Variants in STXBP6 observed in about 807,000 individuals in gnomAD.
STXBP6 encodes syntaxin-binding protein 6.
STXBP6 carries 21 observed loss-of-function variants against 26.9 expected under a neutral mutation model. The ratio of observed to expected loss-of-function variants is 0.78; its 90% CI spans 0.55 to 1.12. STXBP6 has a LOEUF of 1.12. STXBP6 is among the 50% of genes most tolerant of loss of function. The probability of loss-of-function intolerance (pLI) is 0.00; values close to 1 mark genes in which losing one functional copy is unlikely to be tolerated. For missense variants in STXBP6, 232 were observed against 257.9 expected, an observed-to-expected ratio of 0.90 and a Z score of 0.69; for synonymous variants, 97 against 92.6, an observed-to-expected ratio of 1.05 and a Z score of -0.27.
At chr14:24,956,085 G>C (rs758590971) in intron 2 of STXBP6, among the ~76,000 whole-genome samples, 5 of 152,076 alleles carry the variant, frequency 3.3e-5, no homozygotes, top group Non-Finnish European at 7.4e-5. Context: ...AAGCACAAGA[G>C]AGTCAAATTT....
At chr14:24,945,894 C>T (rs937700452) in intron 2 of STXBP6, among the ~76,000 whole-genome samples, 4 of 152,074 alleles carry the variant, frequency 2.6e-5, no homozygotes, top group African/African-American at 7.2e-5. Flanking sequence ...CAGGGAGACA[C>T]GCTGGATTTG....
chr14:24,843,988 G>C (rs2068863412), intron 4 of STXBP6, among the ~76,000 whole-genome samples: 1 of 152,166 alleles, frequency 6.6e-6, no homozygotes, highest in Non-Finnish European at 1.5e-5. Flanking sequence ...GAGATTAGAG[G>C]GTTTTAACTT....
chr14:24,952,959 T>G (rs1343138684), intron 2 of STXBP6, among the ~76,000 whole-genome samples: 1 of 152,208 alleles, frequency 6.6e-6, no homozygotes, highest in Non-Finnish European at 1.5e-5. Flanking sequence ...GACATGTTCC[T>G]GCTCACATTT....
At chr14:24,978,267 A>C (rs1790428444) in intron 1 of STXBP6, among the ~76,000 whole-genome samples, 2 of 152,162 alleles carry the variant, frequency 1.3e-5, no homozygotes, top group Non-Finnish European at 2.9e-5. Context: ...ATTTTAAACA[A>C]CTCTAACTGG....
intron 4 of STXBP6, among the ~76,000 whole-genome samples, chr14:24,835,547 T>TA (rs2068586092): frequency 6.6e-6 from 1 of 152,208 alleles, no homozygotes; most frequent in Non-Finnish European, 1.5e-5. Context: ...ATTAGCCACT[T>TA]AAAGATTTTT....
chr14:24,970,574 G>A (rs538262648), intron 2 of STXBP6, among the ~76,000 whole-genome samples: 13 of 151,810 alleles, frequency 8.6e-5, no homozygotes, highest in Admixed American at 7.2e-4. Flanking sequence ...TCTTTTTACT[G>A]CAAGGTAGTA....
chr14:25,020,428 A>G (rs920518006), intron 1 of STXBP6, among the ~76,000 whole-genome samples: 2 of 152,212 alleles, frequency 1.3e-5, no homozygotes, highest in Non-Finnish European at 2.9e-5. Flanking sequence ...GAGGAAATAG[A>G]AAATCTGTTC....
chr14:24,822,667 G>A (rs550167703), intron 4 of STXBP6, among the ~76,000 whole-genome samples: 5 of 152,060 alleles, frequency 3.3e-5, no homozygotes, highest in African/African-American at 1.2e-4. Context: ...ATGGAAGTTT[G>A]TCCCTCCACC....
At chr14:24,916,122 AAAC>A (rs2071755945) in intron 2 of STXBP6, among the ~76,000 whole-genome samples, 1 of 152,166 alleles carries the variant, frequency 6.6e-6, no homozygotes, top group Admixed American at 6.5e-5. Flanking sequence ...AAATCATTCC[AAAC>A]AAATATGACA....
intron 2 of STXBP6, among the ~76,000 whole-genome samples, chr14:24,882,549 C>T (rs148173729): frequency 2.0e-5 from 3 of 152,146 alleles, no homozygotes; most frequent in African/African-American, 4.8e-5. Flanking sequence ...AGCTGCCTTA[C>T]GTGTTTCTAG....
At chr14:24,854,363 C>T (rs529015514) in intron 4 of STXBP6, among the ~76,000 whole-genome samples, 48 of 152,158 alleles carry the variant, frequency 3.2e-4, no homozygotes, top group African/African-American at 1.0e-3. Flanking sequence ...CTGCCCAGGA[C>T]GGAACATGAA....
rs2067773413 is a variant in STXBP6 at position 24,809,910 on chromosome 14, C to T, written c.*2799G>A. On this transcript the variant is annotated 3_prime_UTR_variant, in exon 6 of 6. Transcript: ENST00000323944. ...ATAGATGCACAACCTTTGCTAGCCA[C>T]AAAAGTAGTATTAAAACAGTTTTCA... 1 of 152,088 alleles carries T rather than the reference C, an allele frequency of 6.6e-6. No homozygotes were observed. The highest frequency in any genetic ancestry group is 1.5e-5 in the Non-Finnish European group (1 of 68,012). 9.4% of individuals were successfully genotyped at this position (152,088 alleles called of 1,614,324 possible).
chr14:24,966,445 A>C (rs146963134), intron 2 of STXBP6, among the ~76,000 whole-genome samples: 230 of 152,060 alleles, frequency 1.5e-3, no homozygotes, highest in African/African-American at 5.4e-3. Flanking sequence ...GGACCCAGGC[A>C]TGAGTCAGCA....
intron 2 of STXBP6, among the ~76,000 whole-genome samples, chr14:24,875,053 C>T (rs1179045623): frequency 1.3e-5 from 2 of 152,210 alleles, no homozygotes; most frequent in Non-Finnish European, 2.9e-5. Context: ...ACCTTGTACC[C>T]ATTAGCACTG....
intron 2 of STXBP6, among the ~76,000 whole-genome samples, chr14:24,913,602 G>C (rs887789660): frequency 2.0e-5 from 3 of 152,196 alleles, no homozygotes; most frequent in Admixed American, 1.3e-4. Flanking sequence ...TCAGATGTAT[G>C]CTGAGAAGAG....
chr14:24,877,466 A>G (rs1400843488), intron 2 of STXBP6, among the ~76,000 whole-genome samples: 1 of 152,060 alleles, frequency 6.6e-6, no homozygotes, highest in Non-Finnish European at 1.5e-5. Flanking sequence ...AAACAGTCTC[A>G]TTTCCTCCCT....
At chr14:24,978,091 G>A (rs2140223379) in intron 1 of STXBP6, among the ~76,000 whole-genome samples, 1 of 152,298 alleles carries the variant, frequency 6.6e-6, no homozygotes, top group Admixed American at 6.5e-5. Flanking sequence ...CAGATTAGAT[G>A]GAAAAGAATC....
chr14:24,882,440 C>G (rs2070408163), intron 2 of STXBP6, among the ~76,000 whole-genome samples: 1 of 134,498 alleles, frequency 7.4e-6, no homozygotes, highest in African/African-American at 2.9e-5. Flanking sequence ...ACCTAAGGGA[C>G]TTGGTCCCAA....
At chr14:24,948,392 C>T (rs1951798) in intron 2 of STXBP6, among the ~76,000 whole-genome samples, 3,599 of 152,160 alleles carry the variant, frequency 0.024, 75 homozygotes, top group East Asian at 0.11. Flanking sequence ...CACAGAGAAT[C>T]TATGGGAAGT....
Sources: gnomAD v4.1 joint callset for allele counts (sites outside exome capture counted in the v4.1 genomes callset) on GRCh38, gnomAD v4.1.1 for gene constraint, MANE v1.5 for transcripts, NCBI Gene and HGNC (gene_info 2026-07-23, HGNC 2026-07-21) for gene names.